MAF: variants seen among roughly 807,000 people sequenced by gnomAD.
The protein encoded by MAF is transcription factor Maf.
MAF carries 10 observed loss-of-function variants against 22.0 expected under a neutral mutation model. The observed-to-expected ratio is 0.45, with a 90% confidence interval of 0.28 to 0.77. MAF has a LOEUF of 0.77. MAF is among the 30% of genes least tolerant of loss of function. The pLI, the probability that MAF is intolerant of heterozygous loss-of-function variation, is 0.12. For synonymous variants in MAF, 337 were observed against 255.8 expected (o/e 1.32, Z -3.03); for missense variants, 544 against 548.4 (o/e 0.99, Z 0.08).
chr16:79,506,831 C>G, the MAF span, among the ~76,000 whole-genome samples: 2 of 152,008 alleles, frequency 1.3e-5, no homozygotes, highest in Non-Finnish European at 2.9e-5. Context: ...GGGGCCAGGT[C>G]AGAAAGAGCC....
At chr16:79,409,968 A>T in the MAF span, among the ~76,000 whole-genome samples, 6 of 152,238 alleles carry the variant, frequency 3.9e-5, no homozygotes, top group Non-Finnish European at 1.5e-5. Flanking sequence ...GAAAGACTCC[A>T]TACCTCTATA....
At chr16:79,257,987 C>A in the MAF span, among the ~76,000 whole-genome samples, 3 of 152,240 alleles carry the variant, frequency 2.0e-5, no homozygotes, top group African/African-American at 7.2e-5. Flanking sequence ...TCAATGAGCA[C>A]TAGTATGTTG....
the MAF span, among the ~76,000 whole-genome samples, chr16:79,340,887 G>A: frequency 6.6e-6 from 1 of 152,118 alleles, no homozygotes; most frequent in Admixed American, 6.5e-5. Flanking sequence ...TAACTAAATT[G>A]CTAAGTGGGT....
the MAF span, among the ~76,000 whole-genome samples, chr16:79,283,524 C>G: frequency 6.6e-6 from 1 of 152,118 alleles, no homozygotes; most frequent in African/African-American, 2.4e-5. Context: ...CACCTATATG[C>G]TTTTCTGATG....
the MAF span, among the ~76,000 whole-genome samples, chr16:79,380,882 T>C: frequency 6.6e-6 from 1 of 152,244 alleles, no homozygotes; most frequent in South Asian, 2.1e-4. Flanking sequence ...CATTGGAAGT[T>C]GTCTGCCAAA....
At chr16:79,522,150 G>C in the MAF span, among the ~76,000 whole-genome samples, 31 of 152,322 alleles carry the variant, frequency 2.0e-4, no homozygotes, top group East Asian at 6.0e-3. Context: ...TGAGCATCTT[G>C]CTCAAGAACA....
chr16:79,379,970 G>C, the MAF span, among the ~76,000 whole-genome samples: 1 of 152,260 alleles, frequency 6.6e-6, no homozygotes, highest in Non-Finnish European at 1.5e-5. Context: ...CCCAGAATGT[G>C]GGGAAAGTCA....
the MAF span, among the ~76,000 whole-genome samples, chr16:79,445,090 G>A: frequency 6.6e-6 from 1 of 152,072 alleles, no homozygotes; most frequent in Non-Finnish European, 1.5e-5. Context: ...CTGGAGTGCA[G>A]CGGCACAATC....
chr16:79,492,607 C>A, the MAF span, among the ~76,000 whole-genome samples: 1 of 152,010 alleles, frequency 6.6e-6, no homozygotes. Context: ...TACCATAGCC[C>A]CAAAGCTTAA....
At chr16:79,579,332 GC>G in the MAF span, among the ~76,000 whole-genome samples, 1 of 152,130 alleles carries the variant, frequency 6.6e-6, no homozygotes, top group Admixed American at 6.5e-5. Context: ...TTCAGAAGAT[GC>G]TTTTTCAAGA....
downstream of MAF, among the ~76,000 whole-genome samples, chr16:79,584,297 G>T (rs573456002): frequency 1.3e-5 from 2 of 152,198 alleles, no homozygotes; most frequent in African/African-American, 4.8e-5. Flanking sequence ...GTGACATTCT[G>T]AAAATAAACT....
downstream of MAF, among the ~76,000 whole-genome samples, chr16:79,590,206 G>C (rs970328376): frequency 6.6e-6 from 1 of 152,116 alleles, no homozygotes; most frequent in South Asian, 2.1e-4. Context: ...CCAGGTTGGC[G>C]GAGGGGGGGA....
the MAF span, among the ~76,000 whole-genome samples, chr16:79,258,224 C>T: frequency 4.6e-5 from 7 of 152,136 alleles, no homozygotes; most frequent in Non-Finnish European, 1.0e-4. Flanking sequence ...GGGATGGTCA[C>T]GATCACCACA....
chr16:79,229,204 G>A, the MAF span: 14 of 151,712 alleles, frequency 9.2e-5, no homozygotes, highest in African/African-American at 3.4e-4. Context: ...CCGGAATTTA[G>A]TAACATTAAT....
the MAF span, among the ~76,000 whole-genome samples, chr16:79,417,726 G>A: frequency 6.6e-6 from 1 of 152,082 alleles, no homozygotes; most frequent in Non-Finnish European, 1.5e-5. Context: ...CTGTCAGAGT[G>A]TTTTCTCTTG....
the MAF span, among the ~76,000 whole-genome samples, chr16:79,387,097 A>G: frequency 2.6e-5 from 4 of 152,164 alleles, no homozygotes; most frequent in Admixed American, 6.5e-5. Context: ...TGTTATTATT[A>G]TTATCTTCTA....
the MAF span, among the ~76,000 whole-genome samples, chr16:79,490,445 C>G: frequency 2.0e-5 from 3 of 152,176 alleles, no homozygotes; most frequent in African/African-American, 7.2e-5. Flanking sequence ...ACTAGCTGAG[C>G]TTTAAGAGTC....
the MAF span, among the ~76,000 whole-genome samples, chr16:79,560,323 G>A: frequency 6.6e-6 from 1 of 151,864 alleles, no homozygotes; most frequent in Non-Finnish European, 1.5e-5. Context: ...AACGCGAAGA[G>A]ACAGGAAGCC....
chr16:79,457,157 A>C, the MAF span, among the ~76,000 whole-genome samples: 1 of 152,164 alleles, frequency 6.6e-6, no homozygotes, highest in Non-Finnish European at 1.5e-5. Flanking sequence ...TCTCTCCAAG[A>C]AAAAAATGTC....
Sources: gnomAD v4.1 joint callset for allele counts (sites outside exome capture counted in the v4.1 genomes callset) on GRCh38, gnomAD v4.1.1 for gene constraint, MANE v1.5 for transcripts, NCBI Gene and HGNC (gene_info 2026-07-23, HGNC 2026-07-21) for gene names.